Variants in EYS observed in about 807,000 individuals in gnomAD.
The protein encoded by EYS is protein eyes shut homolog.
In EYS, 250 loss-of-function variants were observed where a neutral mutation model predicts 282.1. The observed-to-expected ratio is 0.89, with a 90% CI of 0.80 to 0.98. EYS has a LOEUF of 0.98. EYS is among the 50% of genes least tolerant of loss of function. EYS has a pLI of 0.00. For missense variants in EYS, 4,016 were observed against 3,709.0 expected (o/e 1.08, Z -2.15); for synonymous variants, 1,355 against 1,282.9 (o/e 1.06, Z -1.20).
rs947209456 is a variant in EYS, at chr6:64,590,537, A to G, written c.5330T>C (p.Leu1777Ser). 22 of 1,551,270 alleles carry G rather than the reference A, an allele frequency of 1.4e-5. No individual in the cohort carries two copies. In the Admixed American group the frequency reaches 2.0e-4, roughly 14 times the overall value. The stretch of plus-strand genomic sequence containing the variant: ...TGAAAAATCAGGCACTGAGCCTGTC[A>G]ATGGTGGCAGATTATTTTTGAAGTC... Reference protein sequence around the residue: ...ANDFKNNLPPLTGSVPDFSEV... With the variant: ...ANDFKNNLPPSTGSVPDFSEV... Residue 1777 changes from leucine (L) to serine (S), a missense_variant, in exon 26 of 43, where the codon TTG becomes TCG. Physicochemically the swap from Leu to Ser is moderately radical, Grantham distance 145. Coordinates refer to ENST00000503581, the MANE Select transcript of EYS (RefSeq NM_001142800.2).
intron 30 of EYS, among the ~76,000 whole-genome samples, chr6:64,273,348 T>C (rs1366974329): frequency 6.6e-6 from 1 of 152,208 alleles, no homozygotes; most frequent in Non-Finnish European, 1.5e-5. Context: ...TAAAGTCCAT[T>C]TTTCCTTTAA....
chr6:65,022,113 G>A lies in EYS; in HGVS notation c.2138-24410C>T, dbSNP rs532916939. Among the ~76,000 whole-genome samples, 105 of 152,262 alleles carry A rather than the reference G, an allele frequency of 6.9e-4. 1 individual carries two copies. Among genetic ancestry groups the A allele is most frequent in the African/African-American group, 2.4e-3 (99 of 41,558 alleles). On this transcript the variant is annotated intron_variant, in intron 13 of 42. Transcript: ENST00000503581. Reference sequence around the variant, plus strand: ...CATATATTTCTTCAATTTCTATAATGGTGTGTTTTAGCTGCCTAGCGTCTA... The same window carrying A: ...CATATATTTCTTCAATTTCTATAATAGTGTGTTTTAGCTGCCTAGCGTCTA...
intron 35 of EYS, among the ~76,000 whole-genome samples, chr6:63,963,416 C>A (rs984515359): frequency 9.9e-5 from 15 of 152,044 alleles, no homozygotes; most frequent in Non-Finnish European, 5.9e-5. Context: ...AAGAAATATT[C>A]ATTTAATTGC....
At chr6:64,988,178 G>T (rs778230944) in intron 14 of EYS, among the ~76,000 whole-genome samples, 1 of 151,326 alleles carries the variant, frequency 6.6e-6, no homozygotes, top group Non-Finnish European at 1.5e-5. Context: ...GACCTAAAAG[G>T]CTGTGCCACT....
chr6:65,428,304 T>A (rs1469666504), intron 5 of EYS, among the ~76,000 whole-genome samples: 1 of 152,114 alleles, frequency 6.6e-6, no homozygotes, highest in Non-Finnish European at 1.5e-5. Flanking sequence ...AAAAGCAATG[T>A]TAAAAAGTGA....
chr6:63,977,695 G>A (rs1260093255), intron 35 of EYS, among the ~76,000 whole-genome samples: 1 of 151,992 alleles, frequency 6.6e-6, no homozygotes, highest in African/African-American at 2.4e-5. Context: ...GAGGACTCCT[G>A]CATGTATCTG....
chr6:63,962,134 T>A (rs1347982757), intron 35 of EYS, among the ~76,000 whole-genome samples: 1 of 152,122 alleles, frequency 6.6e-6, no homozygotes, highest in Non-Finnish European at 1.5e-5. Flanking sequence ...ACTTAGATGT[T>A]AGACCAAAAA....
intron 12 of EYS, among the ~76,000 whole-genome samples, chr6:65,181,597 C>T (rs371607747): frequency 6.6e-6 from 1 of 152,008 alleles, no homozygotes; most frequent in African/African-American, 2.4e-5. Context: ...GGAACACTTT[C>T]ACACTGTTGG....
intron 2 of EYS, among the ~76,000 whole-genome samples, chr6:65,629,783 G>A (rs935000587): frequency 1.3e-5 from 2 of 152,026 alleles, no homozygotes; most frequent in Non-Finnish European, 2.9e-5. Context: ...GATTTGTCTT[G>A]TGCATAGGGC....
intron 31 of EYS, among the ~76,000 whole-genome samples, chr6:64,127,696 A>C (rs913422051): frequency 6.6e-6 from 1 of 152,142 alleles, no homozygotes; most frequent in African/African-American, 2.4e-5. Context: ...AATAGTTTAA[A>C]AATCAATAAA....
chr6:64,279,024 T>C (rs1768212625), intron 30 of EYS, among the ~76,000 whole-genome samples: 2 of 152,180 alleles, frequency 1.3e-5, no homozygotes, highest in African/African-American at 4.8e-5. Context: ...TCTTTACTAA[T>C]ACATTTTCAC....
At position 65,554,466 on chromosome 6, in the gene EYS, A is replaced by C. The variant is rs558794753; in HGVS notation, c.-332-58473T>G. 2.6e-5 allele frequency among the ~76,000 whole-genome samples: 4 copies of C among 152,200 alleles called. No homozygotes were observed. In the South Asian group the frequency reaches 8.3e-4, roughly 32 times the overall value. On this transcript the variant is annotated intron_variant, in intron 2 of 42. Coordinates refer to ENST00000503581, the MANE Select transcript of EYS (RefSeq NM_001142800.2). ...GAAAATATTCCCTTTTCTTTTAAGA[A>C]TCCTTCCCTAGCCCATCTTGTTTTG...
intron 31 of EYS, among the ~76,000 whole-genome samples, chr6:64,085,674 T>C (rs2149872271): frequency 6.6e-6 from 1 of 152,326 alleles, no homozygotes; most frequent in South Asian, 2.1e-4. Flanking sequence ...AAAGTTTATT[T>C]TTAATATCCT....
intron 35 of EYS, among the ~76,000 whole-genome samples, chr6:63,976,894 A>G (rs9344628): frequency 0.35 from 53,188 of 151,786 alleles, 9,380 homozygotes; most frequent in South Asian, 0.38. Flanking sequence ...CAAATGAAAA[A>G]TTATACATAA....
At chr6:64,045,224 T>C (rs934959673) in intron 33 of EYS, among the ~76,000 whole-genome samples, 1 of 150,366 alleles carries the variant, frequency 6.7e-6, no homozygotes, top group African/African-American at 2.4e-5. Context: ...TAATTTTTAC[T>C]TTTTTTTTAA....
intron 14 of EYS, among the ~76,000 whole-genome samples, chr6:64,964,050 T>G (rs569304024): frequency 6.6e-6 from 1 of 152,016 alleles, no homozygotes; most frequent in East Asian, 1.9e-4. Context: ...TTATAAAACC[T>G]TACATCTATA....
intron 34 of EYS, among the ~76,000 whole-genome samples, chr6:63,990,601 A>T (rs776549397): frequency 6.6e-6 from 1 of 151,694 alleles, no homozygotes; most frequent in Non-Finnish European, 1.5e-5. Flanking sequence ...TTGGACTAAT[A>T]TGCAATCATT....
At chr6:63,946,330 G>GGATT (rs59570380) in intron 35 of EYS, among the ~76,000 whole-genome samples, 48,336 of 151,880 alleles carry the variant, frequency 0.32, 7,704 homozygotes, top group Admixed American at 0.39. Flanking sequence ...TTATCTGAAT[G>GGATT]ATCATATTCA....
At chr6:65,398,016 A>G (rs921716113) in intron 7 of EYS, among the ~76,000 whole-genome samples, 2 of 152,142 alleles carry the variant, frequency 1.3e-5, no homozygotes, top group East Asian at 3.9e-4. Flanking sequence ...AAAGATGTTG[A>G]GCATTTTTTA....
Sources: gnomAD v4.1 joint callset for allele counts (sites outside exome capture counted in the v4.1 genomes callset) on GRCh38, gnomAD v4.1.1 for gene constraint, MANE v1.5 for transcripts, NCBI Gene and HGNC (gene_info 2026-07-23, HGNC 2026-07-21) for gene names.